The following BTRC variants were observed in gnomAD, a reference collection of about 807,000 sequenced individuals.
BTRC encodes beta-transducin repeat containing E3 ubiquitin protein ligase.
Under a neutral mutation model 85.5 loss-of-function variants are expected in BTRC, and 42 were observed. That is an observed-to-expected ratio of 0.49 (90% CI 0.38 to 0.64). The LOEUF is 0.64. Among genes scored for constraint, BTRC ranks in the 30% least tolerant of loss-of-function variants. The pLI is 0.00. For missense variants in BTRC, 594 were observed against 743.5 expected, an observed-to-expected ratio of 0.80 and a Z score of 2.34; for synonymous variants, 255 against 263.3, an observed-to-expected ratio of 0.97 and a Z score of 0.30.
At position 101,554,367 on chromosome 10, in the gene BTRC, A is replaced by G. The variant is rs931407165; in HGVS notation, c.*1244A>G. On this transcript the variant is annotated 3_prime_UTR_variant, in exon 15 of 15. Coordinates refer to ENST00000370187, the MANE Select transcript of BTRC (RefSeq NM_033637.4). Reference sequence around the variant, plus strand: ...TGCCTGTATCTTTGCCAAGACCGTGATCAAGGTAGCTTAAGAGAGATGGTC... The same window carrying G: ...TGCCTGTATCTTTGCCAAGACCGTGGTCAAGGTAGCTTAAGAGAGATGGTC... 6.6e-6 allele frequency: 1 copy of G among 152,252 alleles called. No homozygotes were observed. Among genetic ancestry groups the G allele is most frequent in the Non-Finnish European group, 1.5e-5 (1 of 68,036 alleles). The allele number at this position is 152,252 out of a possible 1,614,324, so 9.4% of individuals were successfully genotyped here. A position where few individuals can be genotyped will look rare whatever the true frequency, so the allele number is the denominator to read the frequency against.
chr10:101,492,484 A>G (rs1028110341), intron 4 of BTRC, among the ~76,000 whole-genome samples: 4 of 152,062 alleles, frequency 2.6e-5, no homozygotes, highest in African/African-American at 9.7e-5. Flanking sequence ...TTCAGTTTGT[A>G]TATTTTTCTC....
At chr10:101,375,606 C>T (rs904423799) in intron 1 of BTRC, among the ~76,000 whole-genome samples, 11 of 152,188 alleles carry the variant, frequency 7.2e-5, no homozygotes, top group African/African-American at 2.2e-4. Context: ...ATACTAGAAA[C>T]AGGTAGCAAA....
intron 13 of BTRC, among the ~76,000 whole-genome samples, chr10:101,544,071 A>C (rs1350437923): frequency 6.6e-6 from 1 of 151,892 alleles, no homozygotes; most frequent in Non-Finnish European, 1.5e-5. Flanking sequence ...CACCACACCC[A>C]GCTAATTTTT....
At chr10:101,388,109 G>A (rs1365027180) in intron 1 of BTRC, among the ~76,000 whole-genome samples, 2 of 152,174 alleles carry the variant, frequency 1.3e-5, no homozygotes, top group African/African-American at 2.4e-5. Context: ...AAAGTATGGA[G>A]TTACTTCAAA....
At chr10:101,356,958 G>A (rs1298663569) in intron 1 of BTRC, among the ~76,000 whole-genome samples, 1 of 151,806 alleles carries the variant, frequency 6.6e-6, no homozygotes, top group Non-Finnish European at 1.5e-5. Context: ...GTGAAACTCC[G>A]TCTCTCTAAA....
chr10:101,392,432 C>T lies in BTRC; in HGVS notation c.49-37913C>T, dbSNP rs999070928. ...CATTTAACATCAGATTAAGGGAACA[C>T]GTATCAAAAAAAATTTTAAAGATTA... On this transcript the variant is annotated intron_variant, in intron 1 of 14. Coordinates refer to ENST00000370187, the MANE Select transcript of BTRC (RefSeq NM_033637.4). Among the ~76,000 whole-genome samples the T allele has an allele frequency of 5.9e-5, 9 of 152,112 alleles. 1 individual carries two copies. Among genetic ancestry groups the T allele is most frequent in the Admixed American group, 5.2e-4 (8 of 15,270 alleles).
chr10:101,511,508 C>G (rs921964487), intron 4 of BTRC, among the ~76,000 whole-genome samples: 2 of 151,932 alleles, frequency 1.3e-5, no homozygotes, highest in Non-Finnish European at 2.9e-5. Context: ...ACCACATGTG[C>G]GCACCACCAT....
At chr10:101,372,393 T>C (rs1942662971) in intron 1 of BTRC, among the ~76,000 whole-genome samples, 1 of 150,940 alleles carries the variant, frequency 6.6e-6, no homozygotes, top group African/African-American at 2.4e-5. Flanking sequence ...TAGCTGGGAT[T>C]ACAGGCACAC....
chr10:101,368,104 A>G (rs1042559060), intron 1 of BTRC, among the ~76,000 whole-genome samples: 1 of 152,224 alleles, frequency 6.6e-6, no homozygotes, highest in South Asian at 2.1e-4. Flanking sequence ...TGTTTGGATT[A>G]TGGAGGTGCG....
At chr10:101,472,740 G>A (rs933065320) in intron 3 of BTRC, among the ~76,000 whole-genome samples, 3 of 152,080 alleles carry the variant, frequency 2.0e-5, no homozygotes, top group African/African-American at 4.8e-5. Flanking sequence ...GCTTGAACCC[G>A]GGAGACGGAG....
At chr10:101,361,182 C>G (rs1458226353) in intron 1 of BTRC, among the ~76,000 whole-genome samples, 1 of 152,170 alleles carries the variant, frequency 6.6e-6, no homozygotes, top group Non-Finnish European at 1.5e-5. Flanking sequence ...TCTCAGCTCA[C>G]TGCAACCTCA....
At chr10:101,451,641 AT>A (rs1055409808) in intron 2 of BTRC, among the ~76,000 whole-genome samples, 25 of 152,054 alleles carry the variant, frequency 1.6e-4, no homozygotes, top group Non-Finnish European at 2.8e-4. Flanking sequence ...TAGACAATAT[AT>A]TTTTTCCCCC....
intron 13 of BTRC, 24 bp downstream of exon 13, chr10:101,538,395 G>T (rs373817496): frequency 1.9e-6 from 3 of 1,573,520 alleles, no homozygotes; most frequent in Non-Finnish European, 1.7e-6. Context: ...TGTTTAGAGA[G>T]CATTGGAGAG....
chr10:101,360,778 C>T (rs1265508024), intron 1 of BTRC, among the ~76,000 whole-genome samples: 3 of 151,834 alleles, frequency 2.0e-5, no homozygotes, highest in Non-Finnish European at 4.4e-5. Context: ...ACTACAGGTG[C>T]GTGCCACCAC....
At chr10:101,459,888 A>T (rs773579486) in intron 2 of BTRC, among the ~76,000 whole-genome samples, 16 of 152,184 alleles carry the variant, frequency 1.1e-4, no homozygotes, top group Non-Finnish European at 2.4e-4. Context: ...ATAATTCAGT[A>T]TAGAGGAGTT....
At chr10:101,516,866 A>G (rs2062031618) in intron 4 of BTRC, among the ~76,000 whole-genome samples, 1 of 152,206 alleles carries the variant, frequency 6.6e-6, no homozygotes, top group Admixed American at 6.5e-5. Flanking sequence ...TTTATCCAGA[A>G]AACAGTACTC....
intron 1 of BTRC, among the ~76,000 whole-genome samples, chr10:101,377,826 T>A (rs540283541): frequency 1.3e-5 from 2 of 152,280 alleles, no homozygotes; most frequent in Non-Finnish European, 2.9e-5. Context: ...ATCTACAAAG[T>A]TTTAAGTAAG....
chr10:101,431,698 A>G (rs1944408914), intron 2 of BTRC, among the ~76,000 whole-genome samples: 2 of 152,184 alleles, frequency 1.3e-5, no homozygotes, highest in Admixed American at 6.5e-5. Context: ...CTTGTGACTA[A>G]ATTTTAGCTA....
intron 4 of BTRC, among the ~76,000 whole-genome samples, chr10:101,482,719 C>T (rs1280007527): frequency 1.3e-5 from 2 of 152,034 alleles, no homozygotes; most frequent in African/African-American, 2.4e-5. Context: ...GCCTCTATTG[C>T]TTGACCTTTG....
Sources: gnomAD v4.1 joint callset for allele counts (sites outside exome capture counted in the v4.1 genomes callset) on GRCh38, gnomAD v4.1.1 for gene constraint, MANE v1.5 for transcripts, NCBI Gene and HGNC (gene_info 2026-07-23, HGNC 2026-07-21) for gene names.